Variants in SLC22A25 observed in about 807,000 individuals in gnomAD.
The protein encoded by SLC22A25 is solute carrier family 22 member 25.
SLC22A25 carries 44 observed loss-of-function variants against 45.9 expected under a neutral mutation model. The ratio of observed to expected loss-of-function variants is 0.96; its 90% CI spans 0.75 to 1.23. The LOEUF is 1.23. SLC22A25 is among the 50% of genes most tolerant of loss of function. The pLI is 0.00. For missense variants in SLC22A25, 800 were observed against 666.4 expected, an observed-to-expected ratio of 1.20 and a Z score of -2.21; for synonymous variants, 283 against 238.6, an observed-to-expected ratio of 1.19 and a Z score of -1.72.
intron 3 of SLC22A25, among the ~76,000 whole-genome samples, chr11:63,232,062 A>G (rs978396432): frequency 2.3e-4 from 35 of 152,286 alleles, no homozygotes; most frequent in African/African-American, 7.5e-4. Flanking sequence ...GAAGTCAGGT[A>G]GCGTGATGCT....
At chr11:63,167,648 G>C (rs1351618537) in intron 9 of SLC22A25, 1 of 152,628 alleles carries the variant, frequency 6.6e-6, no homozygotes, top group East Asian at 1.9e-4. Flanking sequence ...ATCTCTGAGA[G>C]AAAGGCAGCA....
intron 9 of SLC22A25, among the ~76,000 whole-genome samples, chr11:63,179,087 G>A (rs2088223858): frequency 6.6e-6 from 1 of 151,956 alleles, no homozygotes; most frequent in South Asian, 2.1e-4. Context: ...TCAGCCTCCT[G>A]AGTAGCTGGG....
chr11:63,189,474 T>C (rs916037531), intron 7 of SLC22A25, among the ~76,000 whole-genome samples: 16 of 152,328 alleles, frequency 1.1e-4, no homozygotes, highest in African/African-American at 3.8e-4. Context: ...ATACAGCACA[T>C]TGATGGGTCT....
chr11:63,189,387 C>A (rs1005848742), intron 7 of SLC22A25, among the ~76,000 whole-genome samples: 2 of 150,740 alleles, frequency 1.3e-5, no homozygotes, highest in African/African-American at 4.9e-5. Flanking sequence ...TTTTTGTTTC[C>A]ATTTGCTTGG....
chr11:63,199,012 CAAAT>C (rs2089152219), intron 7 of SLC22A25, among the ~76,000 whole-genome samples: 1 of 151,962 alleles, frequency 6.6e-6, no homozygotes, highest in South Asian at 2.1e-4. Flanking sequence ...GAGCAAAGAG[CAAAT>C]AAATCCCAAA....
rs1348646338 is a variant in SLC22A25 at position 63,161,527 on chromosome 11, G to A, written c.*2297C>T. On this transcript the variant is annotated 3_prime_UTR_variant, in exon 12 of 12. Coordinates refer to ENST00000306494, the MANE Select transcript of SLC22A25 (RefSeq NM_199352.6). ...ATCCAGTGGGAGGTAACTGAATCAT[G>A]GGGGTGAGTGTTTCCCATGCTCTTC... Among the ~76,000 whole-genome samples the A allele has an allele frequency of 6.6e-6, 1 of 152,148 alleles. No homozygotes were observed. Among genetic ancestry groups the A allele is most frequent in the Non-Finnish European group, 1.5e-5 (1 of 68,022 alleles).
At chr11:63,237,333 A>G (rs1175655136) in intron 3 of SLC22A25, among the ~76,000 whole-genome samples, 3 of 152,122 alleles carry the variant, frequency 2.0e-5, no homozygotes, top group African/African-American at 4.8e-5. Context: ...AAAAAAAGAG[A>G]CGAGACCTTT....
intron 7 of SLC22A25, among the ~76,000 whole-genome samples, chr11:63,214,149 A>C (rs549087955): frequency 6.6e-6 from 1 of 152,326 alleles, no homozygotes; most frequent in South Asian, 2.1e-4. Flanking sequence ...TGGAGGATTC[A>C]AAACCCTCTG....
chr11:63,212,825 A>G (rs1373573552), intron 7 of SLC22A25, among the ~76,000 whole-genome samples: 2 of 151,906 alleles, frequency 1.3e-5, no homozygotes, highest in African/African-American at 4.8e-5. Context: ...AAATTCTACC[A>G]TTTTTGAGGC....
chr11:63,220,911 A>G (rs1047539955), intron 5 of SLC22A25, among the ~76,000 whole-genome samples: 1 of 152,220 alleles, frequency 6.6e-6, no homozygotes, highest in Non-Finnish European at 1.5e-5. Context: ...TTCACTCAAC[A>G]TAATGATCTA....
Position 63,164,030 on chromosome 11 carries a change from C to T in SLC22A25, c.1438G>A (p.Gly480Arg), listed in dbSNP as rs920716570. 6.2e-7 allele frequency: 1 copy of T among 1,611,212 alleles called. No individual in the cohort carries two copies. Among genetic ancestry groups the T allele is most frequent in the African/African-American group, 1.3e-5 (1 of 74,898 alleles). Residue 480 changes from glycine (G) to arginine (R), a missense_variant, in exon 12 of 12, where the codon GGA becomes AGA. Transcript: ENST00000306494. ...GITGNFANIG[G>R]ALASLMMILS... is the part of the protein sequence containing the mutation. ...ATCATCATGAGGGAAGCCAGGGCTC[C>T]CCCAATATTAGCAAAGTTTCCAGTG...
chr11:63,164,116 A>G (rs539631568), intron 11 of SLC22A25, 43 bp from the exon 12 acceptor site: 1 of 1,529,650 alleles, frequency 6.5e-7, no homozygotes, highest in South Asian at 1.3e-5. Context: ...GTTAAAAATC[A>G]TACATATAAT....
intron 11 of SLC22A25, 107 bp from the exon 12 acceptor site, chr11:63,164,180 T>C: frequency 7.2e-7 from 1 of 1,397,180 alleles, no homozygotes; most frequent in Non-Finnish European, 9.7e-7. Context: ...CACATGGAGG[T>C]GATAACATAC....
chr11:63,195,217 T>A (rs1484237538), intron 7 of SLC22A25, among the ~76,000 whole-genome samples: 2 of 152,126 alleles, frequency 1.3e-5, no homozygotes, highest in Admixed American at 1.3e-4. Context: ...TTAACAAGGA[T>A]ATACAGGAAC....
Position 63,228,569 on chromosome 11 carries a change from A to C in SLC22A25, c.403-5T>G, listed in dbSNP as rs769204012. The C allele has an allele frequency of 3.1e-6, 5 of 1,605,746 alleles. No homozygotes were observed. The South Asian group carries it at 4.4e-5, about 14-fold the overall frequency. On this transcript the variant is annotated splice_polypyrimidine_tract_variant and splice_region_variant and intron_variant, in intron 4 of 11. Transcript: ENST00000306494. Reference sequence around the variant, plus strand: ...AGATTCGCATACCAGATCCCACTGGAAGAAAAGGAAACCCTCATATCAATG... The same window carrying C: ...AGATTCGCATACCAGATCCCACTGGCAGAAAAGGAAACCCTCATATCAATG...
At chr11:63,206,688 T>TA (rs2089413384) in intron 7 of SLC22A25, among the ~76,000 whole-genome samples, 1 of 152,110 alleles carries the variant, frequency 6.6e-6, no homozygotes, top group African/African-American at 2.4e-5. Flanking sequence ...ATCAATATCA[T>TA]AAAAATGGCC....
At position 63,217,954 on chromosome 11, in the gene SLC22A25, C is replaced by T; in HGVS notation, c.507-219G>A. ...AGTGTATAAAAGTTTCTTCTCCAAT[C>T]TGTTGCCAGTAGATCATTGATACAA... On this transcript the variant is annotated intron_variant, in intron 5 of 11. Transcript: ENST00000306494. 3 of 647,692 alleles carry T rather than the reference C, an allele frequency of 4.6e-6. No individual in the cohort carries two copies. The South Asian group carries it at 5.5e-5, about 12-fold the overall frequency. The allele number at this position is 647,692 out of a possible 1,614,324, so 40.1% of individuals were successfully genotyped here. A position where few individuals can be genotyped will look rare whatever the true frequency, so the allele number is the denominator to read the frequency against.
At position 63,183,705 on chromosome 11, in the gene SLC22A25, G is replaced by A. The variant is rs757206351; in HGVS notation, c.943C>T (p.Leu315=). 1.2e-6 allele frequency: 2 copies of A among 1,612,672 alleles called. No individual in the cohort carries two copies. Among genetic ancestry groups the A allele is most frequent in the African/African-American group, 1.3e-5 (1 of 74,792 alleles). The stretch of plus-strand genomic sequence containing the variant: ...CCCGTCTTGCTTACCTCCATGGTTA[G>A]GATGTCTTCAGCATTCTTCATTCCA... The part of the protein sequence containing the change: ...RNGMKNAEDI[L]TMEVLKSTMK... Residue 315 remains leucine, a synonymous_variant, in exon 8 of 12, where the codon CTA becomes TTA. Transcript: ENST00000306494.
chr11:63,180,841 T>C, intron 8 of SLC22A25, 66 bp from the exon 9 acceptor site: 1 of 1,138,624 alleles, frequency 8.8e-7, no homozygotes, highest in Non-Finnish European at 1.3e-6. Context: ...GTAAGAGGAC[T>C]TGTCAACCAA....
Sources: allele counts gnomAD v4.1 joint callset (sites outside exome capture counted in the v4.1 genomes callset), GRCh38; gene constraint gnomAD v4.1.1; transcripts MANE v1.5; gene names NCBI Gene and HGNC (gene_info 2026-07-23, HGNC 2026-07-21).